PARD3: variants seen among roughly 807,000 people sequenced by gnomAD.
The protein encoded by PARD3 is par-3 family cell polarity regulator.
Under a neutral mutation model 155.4 loss-of-function variants are expected in PARD3, and 75 were observed. The ratio of observed to expected loss-of-function variants is 0.48; its 90% CI spans 0.40 to 0.58. PARD3 has a LOEUF of 0.58. Among genes scored for constraint, PARD3 ranks in the 20% least tolerant of loss-of-function variants. The probability of loss-of-function intolerance (pLI) is 0.00; values close to 1 mark genes in which losing one functional copy is unlikely to be tolerated. For synonymous variants in PARD3, 576 were observed against 610.5 expected (o/e 0.94, Z 0.83); for missense variants, 1,642 against 1,721.7 (o/e 0.95, Z 0.82).
chr10:34,720,633 A>T (rs1005799886), intron 1 of PARD3, among the ~76,000 whole-genome samples: 16 of 151,942 alleles, frequency 1.1e-4, no homozygotes, highest in African/African-American at 3.6e-4. Context: ...TCTTGTCTCT[A>T]CTAAAAATAC....
intron 1 of PARD3, among the ~76,000 whole-genome samples, chr10:34,716,590 T>TTC (rs2094524308): frequency 3.0e-5 from 4 of 132,110 alleles, no homozygotes; most frequent in African/African-American, 9.6e-5. Context: ...CTTTTCTTTT[T>TTC]TTTTTTTTTT....
chr10:34,377,870 C>A, intron 10 of PARD3, 97 bp downstream of exon 10: 1 of 974,882 alleles, frequency 1.0e-6, no homozygotes, highest in Non-Finnish European at 1.5e-6. Flanking sequence ...ATGTATATAA[C>A]TGAATTTCAT....
chr10:34,523,242 A>G (rs2133712022), intron 2 of PARD3, among the ~76,000 whole-genome samples: 1 of 152,192 alleles, frequency 6.6e-6, no homozygotes, highest in East Asian at 1.9e-4. Flanking sequence ...AATCTCAAAG[A>G]CCTCTAGGTT....
intron 12 of PARD3, among the ~76,000 whole-genome samples, chr10:34,363,536 T>C (rs907508548): frequency 5.3e-5 from 8 of 152,230 alleles, no homozygotes; most frequent in Non-Finnish European, 1.0e-4. Flanking sequence ...TTTTAAAAAT[T>C]GTGCTCTTCA....
chr10:34,590,787 T>C, intron 2 of PARD3, among the ~76,000 whole-genome samples: 1 of 152,202 alleles, frequency 6.6e-6, no homozygotes, highest in East Asian at 1.9e-4. Flanking sequence ...CTTTTAGGAC[T>C]TCTATGGAAA....
intron 1 of PARD3, among the ~76,000 whole-genome samples, chr10:34,794,997 G>C (rs1842091977): frequency 6.6e-6 from 1 of 152,256 alleles, no homozygotes; most frequent in Admixed American, 6.5e-5. Flanking sequence ...ACCTAGGCAG[G>C]CTTACTGACT....
At chr10:34,342,678 C>G (rs912880278) in intron 15 of PARD3, among the ~76,000 whole-genome samples, 30 of 152,144 alleles carry the variant, frequency 2.0e-4, no homozygotes, top group African/African-American at 7.2e-4. Context: ...CATACACAAG[C>G]GTGAAGGATT....
At chr10:34,682,583 C>A (rs931620639) in intron 2 of PARD3, among the ~76,000 whole-genome samples, 6 of 152,112 alleles carry the variant, frequency 3.9e-5, no homozygotes, top group Admixed American at 3.9e-4. Context: ...AGGCCAGGTG[C>A]AGTGACTCAC....
intron 2 of PARD3, among the ~76,000 whole-genome samples, chr10:34,539,446 A>G (rs377674043): frequency 6.6e-6 from 1 of 152,156 alleles, no homozygotes; most frequent in African/African-American, 2.4e-5. Flanking sequence ...AGGCGGGCAG[A>G]TCACCTAAGG....
intron 2 of PARD3, among the ~76,000 whole-genome samples, chr10:34,631,931 T>C (rs2092289661): frequency 6.6e-6 from 1 of 152,128 alleles, no homozygotes; most frequent in Admixed American, 6.6e-5. Flanking sequence ...TGTTTTGGGT[T>C]TTTTAAGTGA....
chr10:34,633,658 G>A (rs544568719), intron 2 of PARD3, among the ~76,000 whole-genome samples: 24 of 152,282 alleles, frequency 1.6e-4, no homozygotes, highest in African/African-American at 5.5e-4. Context: ...ACATCTCTTC[G>A]ACATATTGAT....
At chr10:34,334,030 T>C (rs1227938689) in intron 18 of PARD3, among the ~76,000 whole-genome samples, 1 of 151,814 alleles carries the variant, frequency 6.6e-6, no homozygotes, top group Admixed American at 6.6e-5. Context: ...ACATAAAATA[T>C]ATGGAAAAGA....
At chr10:34,794,414 C>T (rs1420479632) in intron 1 of PARD3, among the ~76,000 whole-genome samples, 1 of 152,312 alleles carries the variant, frequency 6.6e-6, no homozygotes, top group East Asian at 1.9e-4. Context: ...ACCAGGCACA[C>T]AAAAGTTAAT....
intron 2 of PARD3, among the ~76,000 whole-genome samples, chr10:34,612,544 A>G (rs908652316): frequency 6.6e-6 from 1 of 152,234 alleles, no homozygotes; most frequent in Non-Finnish European, 1.5e-5. Flanking sequence ...CTGGTGCTCT[A>G]CATGCACAGT....
chr10:34,133,752 A>G (rs1367730336), intron 22 of PARD3, among the ~76,000 whole-genome samples: 1 of 152,202 alleles, frequency 6.6e-6, no homozygotes, highest in Non-Finnish European at 1.5e-5. Context: ...GAAGAATCTC[A>G]AAGGTTTAAG....
At chr10:34,350,672 A>C (rs1837976461) in intron 14 of PARD3, among the ~76,000 whole-genome samples, 1 of 151,884 alleles carries the variant, frequency 6.6e-6, no homozygotes, top group Non-Finnish European at 1.5e-5. Flanking sequence ...GCTTCATTAG[A>C]AGAAGAAACC....
chr10:34,316,965 G>C, intron 20 of PARD3, 142 bp downstream of exon 20: 1 of 572,242 alleles, frequency 1.7e-6, no homozygotes, highest in East Asian at 3.2e-5. Context: ...GGAATCCTGG[G>C]CTCCAGCATT....
intron 2 of PARD3, among the ~76,000 whole-genome samples, chr10:34,551,784 C>G (rs546958388): frequency 6.6e-6 from 1 of 152,234 alleles, no homozygotes; most frequent in East Asian, 1.9e-4. Context: ...CTGTGTTCCC[C>G]AAAGGTTCTC....
At chr10:34,226,320 C>T (rs973051664) in intron 22 of PARD3, among the ~76,000 whole-genome samples, 2 of 152,170 alleles carry the variant, frequency 1.3e-5, no homozygotes, top group African/African-American at 2.4e-5. Flanking sequence ...GAGGCTGAGG[C>T]GGGTGGATCA....
Sources: gnomAD v4.1 joint callset for allele counts (sites outside exome capture counted in the v4.1 genomes callset) on GRCh38, gnomAD v4.1.1 for gene constraint, MANE v1.5 for transcripts, NCBI Gene and HGNC (gene_info 2026-07-23, HGNC 2026-07-21) for gene names.